Variants in SHPRH observed in about 807,000 individuals in gnomAD.
SHPRH encodes the protein SNF2 histone linker PHD RING helicase.
SHPRH carries 106 observed loss-of-function variants against 202.5 expected under a neutral mutation model. The observed-to-expected ratio is 0.52, with a 90% CI of 0.45 to 0.62. The LOEUF (loss-of-function observed/expected upper bound fraction) is 0.62, where lower values mean the gene tolerates loss of function less well. Ranked by LOEUF, SHPRH falls within the 20% of genes least tolerant of loss-of-function variation. The pLI, the probability that SHPRH is intolerant of heterozygous loss-of-function variation, is 0.00. For synonymous variants in SHPRH, 729 were observed against 686.0 expected, an observed-to-expected ratio of 1.06 and a Z score of -0.98; for missense variants, 1,710 against 2,020.0, an observed-to-expected ratio of 0.85 and a Z score of 2.94.
chr6:145,933,593 G>A (rs1037092196), intron 13 of SHPRH, among the ~76,000 whole-genome samples: 2 of 152,090 alleles, frequency 1.3e-5, no homozygotes, highest in African/African-American at 2.4e-5. Flanking sequence ...CCTTCAAAAG[G>A]CTGTCTAACC....
chr6:145,935,280 G>C lies in SHPRH; in HGVS notation c.2731C>G (p.Gln911Glu). 1.2e-6 allele frequency: 2 copies of C among 1,613,636 alleles called. No individual in the cohort carries two copies. The highest frequency in any genetic ancestry group is 1.7e-6 in the Non-Finnish European group (2 of 1,179,922). ...WRSAKKDVID[Q>E]IQIPPQTEEI... ...CAATAAAAACTTATTGTACTGACTT[G>C]GTCAATCACATCTTTCTTTGCAGAC... Residue 911 changes from glutamine (Q) to glutamate (E), a missense_variant and splice_region_variant, in exon 12 of 30, where the codon CAA (glutamine) becomes GAA (glutamate). Gln to Glu is a conservative substitution (Grantham distance 29). This residue lies in a region of SHPRH where 277 missense variants were observed against 363.0 expected (regional missense o/e 0.76). Transcript: ENST00000275233.
At chr6:145,948,905 T>G (rs551673483) in intron 4 of SHPRH, among the ~76,000 whole-genome samples, 3 of 152,128 alleles carry the variant, frequency 2.0e-5, no homozygotes, top group Non-Finnish European at 4.4e-5. Flanking sequence ...GCCTTCTCCT[T>G]AATATTTTAA....
chr6:145,948,178 G>T, intron 5 of SHPRH, 94 bp downstream of exon 5: 1 of 851,288 alleles, frequency 1.2e-6, no homozygotes, highest in Non-Finnish European at 1.8e-6. Context: ...CCTTCATGAG[G>T]TAGAGTCAAA....
chr6:145,931,460 C>G (rs1785435119), intron 14 of SHPRH, among the ~76,000 whole-genome samples: 7 of 152,220 alleles, frequency 4.6e-5, no homozygotes, highest in Admixed American at 3.9e-4. Context: ...TCAAGTGATT[C>G]TCCTGTCTCA....
intron 11 of SHPRH, among the ~76,000 whole-genome samples, chr6:145,936,286 A>G (rs1786060011): frequency 1.3e-5 from 2 of 151,886 alleles, no homozygotes; most frequent in Non-Finnish European, 2.9e-5. Context: ...ATAAACATCT[A>G]TATAGAAAAG....
At chr6:145,956,727 C>A (rs898580874) in intron 1 of SHPRH, among the ~76,000 whole-genome samples, 3 of 152,006 alleles carry the variant, frequency 2.0e-5, no homozygotes, top group Non-Finnish European at 4.4e-5. Flanking sequence ...TTCAAGCATA[C>A]ATAAAAATTT....
intron 9 of SHPRH, 38 bp from the exon 10 acceptor site, chr6:145,941,912 G>A (rs1452037034): frequency 1.2e-6 from 2 of 1,601,760 alleles, no homozygotes; most frequent in African/African-American, 2.7e-5. Context: ...TTGCAAAAAG[G>A]CTCACTAAAG....
chr6:145,860,241 T>G (rs942944902), downstream of SHPRH, among the ~76,000 whole-genome samples: 2 of 151,916 alleles, frequency 1.3e-5, no homozygotes, highest in Admixed American at 6.6e-5. Context: ...TGACCTTACA[T>G]GTAGAAAATC....
At chr6:145,922,631 C>A in intron 19 of SHPRH, 32 bp downstream of exon 19, 1 of 1,556,196 alleles carries the variant, frequency 6.4e-7, no homozygotes. Context: ...GAAATGGTAC[C>A]ATTTCATTGT....
chr6:145,903,494 A>C (rs888062232), intron 25 of SHPRH: 1 of 152,080 alleles, frequency 6.6e-6, no homozygotes, highest in African/African-American at 2.4e-5. Context: ...GCTTGCTAAA[A>C]ATGCAGATTT....
chr6:145,903,303 T>C (rs1472173563), intron 25 of SHPRH: 1 of 151,676 alleles, frequency 6.6e-6, no homozygotes, highest in Non-Finnish European at 1.5e-5. Flanking sequence ...GAGACAGATG[T>C]CACAAATGAT....
Position 145,945,416 on chromosome 6 carries a change from TG to T in SHPRH, c.1542del (p.Tyr514Ter). ...FSGTFTLGKN[Y>X]KEEDICDKTK... Reference sequence around the variant, plus strand: ...GTTTTATCACATATATCCTCTTCCTTGTAATTCTTTCCCAATGTAAAAGTCC... The same window carrying T: ...GTTTTATCACATATATCCTCTTCCTTTAATTCTTTCCCAATGTAAAAGTCC... On this transcript the variant is annotated frameshift_variant, in exon 8 of 30. Transcript: ENST00000275233. LOFTEE classifies it high-confidence loss of function. The T allele has an allele frequency of 6.2e-7, 1 of 1,612,768 alleles. No homozygotes were observed. Among genetic ancestry groups the T allele is most frequent in the Non-Finnish European group, 8.5e-7 (1 of 1,179,378 alleles).
chr6:145,870,475 G>C (rs1468014791), intron 2 of SHPRH, among the ~76,000 whole-genome samples: 1 of 151,908 alleles, frequency 6.6e-6, no homozygotes, highest in Admixed American at 6.6e-5. Flanking sequence ...TGTTAGCCAG[G>C]ATAGTCTTGA....
downstream of SHPRH, among the ~76,000 whole-genome samples, chr6:145,882,933 T>C (rs990149614): frequency 6.6e-6 from 1 of 152,188 alleles, no homozygotes; most frequent in African/African-American, 2.4e-5. Context: ...TGTGTGCATA[T>C]ACAAATCACA....
chr6:145,871,396 C>T (rs1011605484), intron 2 of SHPRH: 37 of 152,060 alleles, frequency 2.4e-4, no homozygotes, highest in African/African-American at 8.9e-4. Context: ...TTGCTATACA[C>T]CAACAACAGG....
At chr6:145,869,260 T>C (rs974774968) in intron 2 of SHPRH, among the ~76,000 whole-genome samples, 1 of 152,248 alleles carries the variant, frequency 6.6e-6, no homozygotes, top group Non-Finnish European at 1.5e-5. Flanking sequence ...TTATCAGATA[T>C]GCGTTTTGAA....
chr6:145,904,236 T>C (rs1335184493), intron 25 of SHPRH: 1 of 151,988 alleles, frequency 6.6e-6, no homozygotes, highest in Non-Finnish European at 1.5e-5. Flanking sequence ...TACAGTGAAA[T>C]AATCATTTCA....
chr6:145,954,611 A>G (rs1006345124), intron 2 of SHPRH, 79 bp downstream of exon 2: 1 of 1,445,992 alleles, frequency 6.9e-7, no homozygotes, highest in Non-Finnish European at 9.3e-7. Context: ...GGCTTTTCAG[A>G]CTTCTCTCAC....
At chr6:145,862,499 G>A (rs2246334), downstream of SHPRH, 60,441 of 154,028 alleles carry the variant, frequency 0.39, 12,164 homozygotes, top group South Asian at 0.47. Context: ...CAAAAATGGA[G>A]GAGGAAGAAA....
Sources: allele counts gnomAD v4.1 joint callset (sites outside exome capture counted in the v4.1 genomes callset), GRCh38; gene constraint gnomAD v4.1.1; regional missense constraint gnomAD v4.1.1; transcripts MANE v1.5; gene names NCBI Gene and HGNC (gene_info 2026-07-23, HGNC 2026-07-21).